The following PDE4DIP variants were observed in gnomAD, a reference collection of about 807,000 sequenced individuals.
The protein encoded by PDE4DIP is phosphodiesterase 4D interacting protein.
A neutral mutation model predicts 221.4 loss-of-function variants in PDE4DIP; 59 were observed. The ratio of observed to expected loss-of-function variants is 0.27; its 90% confidence interval spans 0.22 to 0.33. PDE4DIP has a LOEUF of 0.33. Among genes scored for constraint, PDE4DIP ranks in the 10% least tolerant of loss-of-function variants. PDE4DIP has a pLI of 1.00. For synonymous variants in PDE4DIP, 404 were observed against 815.9 expected (o/e 0.50, Z 8.60); for missense variants, 1,036 against 2,154.2 (o/e 0.48, Z 10.28).
At chr1:149,000,749 T>C (rs1553574527) in intron 23 of PDE4DIP, among the ~76,000 whole-genome samples, 2 of 151,248 alleles carry the variant, frequency 1.3e-5, no homozygotes, top group African/African-American at 4.8e-5. Flanking sequence ...AGCCATACCG[T>C]ATATGCAATT....
At chr1:148,980,883 A>G (rs1194938253) in intron 20 of PDE4DIP, among the ~76,000 whole-genome samples, 1 of 152,228 alleles carries the variant, frequency 6.6e-6, no homozygotes, top group Admixed American at 6.5e-5. Context: ...TAGTGGTTCT[A>G]CTTGGCTCAG....
At chr1:149,004,994 T>C (rs2066615506) in exon 27 of PDE4DIP, 3 of 1,302,968 alleles carry the variant, frequency 2.3e-6, no homozygotes, top group Non-Finnish European at 3.3e-6. Flanking sequence ...CAACACTGGC[T>C]AGTTCCTCTG....
chr1:149,029,096 T>C (rs1287561493), intron 41 of PDE4DIP, among the ~76,000 whole-genome samples: 1 of 152,188 alleles, frequency 6.6e-6, no homozygotes, highest in Non-Finnish European at 1.5e-5. Flanking sequence ...GGTTAAATGA[T>C]CACAGAATGC....
At chr1:148,939,815 G>T (rs587725064) in intron 5 of PDE4DIP, 1 of 149,776 alleles carries the variant, frequency 6.7e-6, no homozygotes, top group East Asian at 2.0e-4. Context: ...GCCGAGAAGC[G>T]ATTCCATCCT....
intron 1 of PDE4DIP, among the ~76,000 whole-genome samples, chr1:148,840,195 T>A (rs587639401): frequency 2.6e-4 from 25 of 96,574 alleles, no homozygotes; most frequent in African/African-American, 6.9e-4. Context: ...CGATTTTTTG[T>A]CCCTTATCAT....
In PDE4DIP at chr1:148,814,889, A is replaced by AT. The variant is rs202057444; in HGVS notation, c.233+6159dup. Among the ~76,000 whole-genome samples the AT allele has an allele frequency of 8.4e-4, 58 of 68,986 alleles. 1 individual carries two copies. Among genetic ancestry groups the AT allele is most frequent in the African/African-American group, 8.5e-4 (13 of 15,280 alleles). 45.3% of individuals were successfully genotyped at this position (68,986 alleles called of 152,430 possible). A position where few individuals can be genotyped will look rare whatever the true frequency, so the allele number is the denominator to read the frequency against. ...TTTGTCCTTTTAAAAATATCTGTGC[A>AT]TTTTTTTGTGCTATGACATTCTTAC... On this transcript the variant is annotated intron_variant, in intron 1 of 45. Coordinates refer to the PDE4DIP transcript ENST00000524974.
chr1:149,000,411 T>C (rs1395189492), intron 23 of PDE4DIP, among the ~76,000 whole-genome samples: 8 of 151,874 alleles, frequency 5.3e-5, no homozygotes, highest in Non-Finnish European at 1.0e-4. Context: ...AAAAGTTAGC[T>C]GGGCGTGGTG....
At chr1:148,813,755 TG>T (rs1335931255) in intron 1 of PDE4DIP, among the ~76,000 whole-genome samples, 1 of 129,064 alleles carries the variant, frequency 7.7e-6, no homozygotes, top group East Asian at 2.4e-4. Context: ...GTGATCAAGG[TG>T]TTTTTTTTTT....
chr1:149,011,110 A>G (rs1451784641), intron 31 of PDE4DIP, among the ~76,000 whole-genome samples: 2 of 152,100 alleles, frequency 1.3e-5, no homozygotes, highest in Non-Finnish European at 2.9e-5. Flanking sequence ...TGATATGTAC[A>G]TAGTGCATAT....
At chr1:148,976,905 G>A (rs2060281969) in intron 17 of PDE4DIP, among the ~76,000 whole-genome samples, 1 of 151,242 alleles carries the variant, frequency 6.6e-6, no homozygotes, top group Non-Finnish European at 1.5e-5. Context: ...TGTGCCTACA[G>A]AGTCATGAGT....
intron 1 of PDE4DIP, among the ~76,000 whole-genome samples, chr1:148,903,007 G>T (rs1186833015): frequency 2.6e-4 from 39 of 151,806 alleles, no homozygotes; most frequent in African/African-American, 9.4e-4. Context: ...GGCTGTACTA[G>T]TTTACATTCC....
At chr1:149,011,229 C>T (rs1475587616) in intron 31 of PDE4DIP, among the ~76,000 whole-genome samples, 3 of 94,822 alleles carry the variant, frequency 3.2e-5, no homozygotes, top group Non-Finnish European at 5.9e-5. Context: ...AAAGGCAAAC[C>T]TTGTCTTCGC....
At chr1:148,929,270 C>T in exon 2 of PDE4DIP, 1 of 1,610,084 alleles carries the variant, frequency 6.2e-7, no homozygotes, top group South Asian at 1.1e-5. Context: ...CTGGATAAAA[C>T]ATGGTAAGTT....
intron 23 of PDE4DIP, among the ~76,000 whole-genome samples, chr1:149,000,740 G>A (rs2065455738): frequency 6.6e-6 from 1 of 151,164 alleles, no homozygotes; most frequent in Admixed American, 6.6e-5. Flanking sequence ...CCCTGAGCTA[G>A]CCATACCGTA....
intron 37 of PDE4DIP, among the ~76,000 whole-genome samples, chr1:149,022,644 T>TG (rs2073385980): frequency 6.6e-6 from 1 of 151,032 alleles, no homozygotes; most frequent in Non-Finnish European, 1.5e-5. Context: ...AGGAGAAGCT[T>TG]GAGGTTGGAG....
At chr1:148,968,718 A>G (rs1553521128) in intron 13 of PDE4DIP, 118 bp from the exon 17 acceptor site, 1 of 641,430 alleles carries the variant, frequency 1.6e-6, no homozygotes, top group Non-Finnish European at 2.7e-6. Flanking sequence ...GTAAAACATG[A>G]TACTTATTCT....
At chr1:149,009,766 G>T in exon 30 of PDE4DIP, 2 of 1,610,552 alleles carry the variant, frequency 1.2e-6, no homozygotes, top group Non-Finnish European at 1.7e-6. Context: ...ACTATGAAGA[G>T]AAGAAAGCTT....
intron 21 of PDE4DIP, among the ~76,000 whole-genome samples, chr1:148,987,035 C>T (rs1386538543): frequency 1.3e-5 from 2 of 152,136 alleles, no homozygotes; most frequent in African/African-American, 4.8e-5. Context: ...AGTAGAAACT[C>T]TTTCCAGAAT....
chr1:148,961,201 G>T (rs1304538971), intron 6 of PDE4DIP, among the ~76,000 whole-genome samples: 1 of 152,110 alleles, frequency 6.6e-6, no homozygotes, highest in African/African-American at 2.4e-5. Flanking sequence ...CCACCTACTC[G>T]GGAGGCTGAG....
Sources: gnomAD v4.1 joint callset for allele counts (sites outside exome capture counted in the v4.1 genomes callset) on GRCh38, gnomAD v4.1.1 for gene constraint, MANE v1.5 for transcripts, NCBI Gene and HGNC (gene_info 2026-07-23, HGNC 2026-07-21) for gene names.